The following ACOT12 variants were observed in gnomAD, a reference collection of about 807,000 sequenced individuals.
The protein encoded by ACOT12 is acyl-CoA thioesterase 12.
Under a neutral mutation model 67.7 loss-of-function variants are expected in ACOT12, and 51 were observed. The observed-to-expected ratio is 0.75, with a 90% confidence interval of 0.60 to 0.95. ACOT12 has a LOEUF of 0.95. Among genes scored for constraint, ACOT12 ranks in the 40% least tolerant of loss-of-function variants. The pLI is 0.00. For synonymous variants in ACOT12, 251 were observed against 244.6 expected (o/e 1.03, Z -0.24); for missense variants, 734 against 708.1 (o/e 1.04, Z -0.41).
chr5:81,325,679 A>T (rs193257892), downstream of ACOT12, among the ~76,000 whole-genome samples: 207 of 152,334 alleles, frequency 1.4e-3, 3 homozygotes, highest in South Asian at 3.1e-3. Flanking sequence ...TCAGGTATAT[A>T]ATTTTTATAG....
At chr5:81,393,912 C>A (rs1760930802) in intron 1 of ACOT12, 76 bp downstream of exon 1, 4 of 873,246 alleles carry the variant, frequency 4.6e-6, no homozygotes, top group Non-Finnish European at 4.3e-6. Flanking sequence ...CGCCTTCCTA[C>A]CCCCCCCAGC....
chr5:81,316,381 CT>C, the ACOT12 span, among the ~76,000 whole-genome samples: 1 of 152,158 alleles, frequency 6.6e-6, no homozygotes, highest in Admixed American at 6.5e-5. Context: ...GTTCTGGACA[CT>C]TTATGTAAAT....
chr5:81,335,951 C>T (rs1338547123), intron 11 of ACOT12, 50 bp from the exon 12 acceptor site: 1 of 1,558,190 alleles, frequency 6.4e-7, no homozygotes, highest in Non-Finnish European at 8.7e-7. Context: ...GATGCTTTTA[C>T]TTTAGAAACC....
chr5:81,330,382 GA>G lies in ACOT12; in HGVS notation c.*11del. The G allele has an allele frequency of 6.2e-7, 1 of 1,604,274 alleles. No individual in the cohort carries two copies. The highest frequency in any genetic ancestry group is 8.5e-7 in the Non-Finnish European group (1 of 1,174,090). ...GTGGGAAATTAAATTACCAGTAATT[GA>G]AAGTTGACCTTTAAAATGTGCTTAC... On this transcript the variant is annotated 3_prime_UTR_variant, in exon 15 of 15. Transcript: ENST00000307624.
At chr5:81,310,157 T>TTAAAAAAAAA in the ACOT12 span, among the ~76,000 whole-genome samples, 4 of 104,776 alleles carry the variant, frequency 3.8e-5, no homozygotes, top group Non-Finnish European at 7.3e-5. Flanking sequence ...TGACTAGCTG[T>TTAAAAAAAAA]AAAAAAAAAA....
At chr5:81,347,449 T>C (rs1244799558) in intron 6 of ACOT12, among the ~76,000 whole-genome samples, 6 of 152,222 alleles carry the variant, frequency 3.9e-5, no homozygotes, top group Non-Finnish European at 8.8e-5. Flanking sequence ...TGTCTTCTAT[T>C]TCTGTTCTGC....
the ACOT12 span, among the ~76,000 whole-genome samples, chr5:81,319,474 T>G: frequency 6.6e-6 from 1 of 152,202 alleles, no homozygotes; most frequent in Admixed American, 6.5e-5. Flanking sequence ...TCCCAGCACT[T>G]TGGGAGGCCA....
chr5:81,369,029 C>T (rs1315934949), intron 3 of ACOT12, among the ~76,000 whole-genome samples: 1 of 151,944 alleles, frequency 6.6e-6, no homozygotes, highest in Non-Finnish European at 1.5e-5. Context: ...TTGTATATTA[C>T]AGTGGTGGTG....
chr5:81,383,572 A>G (rs937844426), intron 2 of ACOT12, among the ~76,000 whole-genome samples: 39 of 152,362 alleles, frequency 2.6e-4, no homozygotes, highest in African/African-American at 7.9e-4. Context: ...GACACTTAAG[A>G]GACCTATCAC....
At chr5:81,366,435 A>G (rs72771189) in intron 3 of ACOT12, among the ~76,000 whole-genome samples, 14,113 of 152,266 alleles carry the variant, frequency 0.093, 841 homozygotes, top group Admixed American at 0.13. Context: ...TATAAGCACC[A>G]TGAACTCAGA....
At chr5:81,363,610 A>C (rs1232676870) in intron 4 of ACOT12, among the ~76,000 whole-genome samples, 178 bp downstream of exon 4, 1 of 152,172 alleles carries the variant, frequency 6.6e-6, no homozygotes, top group Admixed American at 6.5e-5. Context: ...TAAAGTTCCT[A>C]TTCCTCTGAT....
At chr5:81,382,038 T>C (rs1760597333) in intron 2 of ACOT12, among the ~76,000 whole-genome samples, 1 of 152,188 alleles carries the variant, frequency 6.6e-6, no homozygotes. Context: ...TATATACATA[T>C]TAATTTCAAT....
intron 11 of ACOT12, among the ~76,000 whole-genome samples, chr5:81,337,482 A>G (rs1759042382): frequency 6.6e-6 from 1 of 152,224 alleles, no homozygotes; most frequent in Non-Finnish European, 1.5e-5. Context: ...TAATTAGTCA[A>G]GATGAGGTTG....
chr5:81,350,197 A>G lies in ACOT12; in HGVS notation c.497-2267T>C, dbSNP rs528067082. On this transcript the variant is annotated intron_variant, in intron 5 of 14. Transcript: ENST00000307624. Reference sequence around the variant, plus strand: ...CCCATCTCTTTGTCTATCTGGCTGCATTCTAGTTAACTCTTTCAGATCTAT... The same window carrying G: ...CCCATCTCTTTGTCTATCTGGCTGCGTTCTAGTTAACTCTTTCAGATCTAT... Among the ~76,000 whole-genome samples the G allele has an allele frequency of 5.3e-5, 8 of 152,264 alleles. No individual in the cohort carries two copies. In the East Asian group the frequency reaches 1.5e-3, roughly 29 times the overall value.
chr5:81,369,848 G>A (rs1267300919), intron 3 of ACOT12, among the ~76,000 whole-genome samples: 1 of 152,230 alleles, frequency 6.6e-6, no homozygotes, highest in Non-Finnish European at 1.5e-5. Flanking sequence ...AGGCTCCTGT[G>A]TGCAAAGGCT....
At chr5:81,325,315 C>G (rs1758648023), downstream of ACOT12, among the ~76,000 whole-genome samples, 1 of 152,152 alleles carries the variant, frequency 6.6e-6, no homozygotes, top group African/African-American at 2.4e-5. Flanking sequence ...TAGCAAACAT[C>G]CAGGGAGATG....
chr5:81,382,763 T>C (rs926476114), intron 2 of ACOT12, among the ~76,000 whole-genome samples: 1 of 150,452 alleles, frequency 6.6e-6, no homozygotes, highest in African/African-American at 2.4e-5. Context: ...GATTGCGCCA[T>C]CGCACTCCAG....
chr5:81,363,860 C>T lies in ACOT12; in HGVS notation c.288G>A (p.Met96Ile), dbSNP rs920303941. Reference protein sequence around the residue: ...EISIKVMVQDMLTGIEKLVSV... With the variant: ...EISIKVMVQDILTGIEKLVSV... ...TAACAAGCTTCTCAATGCCAGTGAG[C>T]ATATCCTGTACCATGACCTTGATAC... Residue 96 changes from methionine (M) to isoleucine (I), a missense_variant, in exon 4 of 15, where the codon ATG (methionine) becomes ATA (isoleucine). Coordinates refer to ENST00000307624, the MANE Select transcript of ACOT12 (RefSeq NM_130767.3). 2 of 1,611,318 alleles carry T rather than the reference C, an allele frequency of 1.2e-6. No homozygotes were observed. Among genetic ancestry groups the T allele is most frequent in the East Asian group, 4.5e-5 (2 of 44,710 alleles).
chr5:81,314,338 C>T, the ACOT12 span, among the ~76,000 whole-genome samples: 54 of 152,268 alleles, frequency 3.5e-4, no homozygotes, highest in Admixed American at 1.7e-3. Flanking sequence ...ATCTTGACCT[C>T]GTGATCTGCT....
Sources: gnomAD v4.1 joint callset for allele counts (sites outside exome capture counted in the v4.1 genomes callset) on GRCh38, gnomAD v4.1.1 for gene constraint, MANE v1.5 for transcripts, NCBI Gene and HGNC (gene_info 2026-07-23, HGNC 2026-07-21) for gene names.